ERO1A: variants seen among roughly 807,000 people sequenced by gnomAD.
The protein encoded by ERO1A is ERO1-like protein alpha.
ERO1A carries 49 observed loss-of-function variants against 76.9 expected under a neutral mutation model. That is an observed-to-expected ratio of 0.64 (90% CI 0.51 to 0.81). The LOEUF (loss-of-function observed/expected upper bound fraction) is 0.81. ERO1A is among the 30% of genes least tolerant of loss of function. ERO1A has a pLI of 0.00. For synonymous variants in ERO1A, 174 were observed against 181.2 expected (o/e 0.96, Z 0.32); for missense variants, 448 against 542.1 (o/e 0.83, Z 1.72).
chr14:52,679,276 C>T (rs2040906615), intron 3 of ERO1A, among the ~76,000 whole-genome samples: 1 of 152,192 alleles, frequency 6.6e-6, no homozygotes, highest in South Asian at 2.1e-4. Flanking sequence ...TTCCCCATCT[C>T]CTCATCTGCT....
chr14:52,655,356 C>T (rs1003732261), intron 11 of ERO1A, among the ~76,000 whole-genome samples: 8 of 151,438 alleles, frequency 5.3e-5, no homozygotes, highest in Admixed American at 5.3e-4. Context: ...CAGAGCAAGA[C>T]TCTGTCTCAA....
intron 1 of ERO1A, among the ~76,000 whole-genome samples, chr14:52,685,922 C>A (rs1177805127): frequency 6.6e-6 from 1 of 152,184 alleles, no homozygotes; most frequent in East Asian, 1.9e-4. Flanking sequence ...CCAGAAAGCA[C>A]ACAGTAGATG....
intron 13 of ERO1A, 158 bp from the exon 14 acceptor site, chr14:52,646,619 T>C: frequency 1.8e-6 from 1 of 541,464 alleles, no homozygotes; most frequent in East Asian, 3.0e-5. Context: ...TACCAGATCC[T>C]TACATACACA....
chr14:52,673,064 G>T (rs528901187), intron 4 of ERO1A, among the ~76,000 whole-genome samples: 1 of 151,752 alleles, frequency 6.6e-6, no homozygotes, highest in East Asian at 1.9e-4. Context: ...AAATTTAAAG[G>T]CCTTTGTTTA....
At chr14:52,680,078 CAA>C (rs2040938000) in intron 3 of ERO1A, among the ~76,000 whole-genome samples, 4 of 13,710 alleles carry the variant, frequency 2.9e-4, no homozygotes, top group Non-Finnish European at 4.2e-4. Flanking sequence ...GCAAAAAACA[CAA>C]ACAAAAAAAA....
At chr14:52,665,474 C>T (rs545762240) in intron 7 of ERO1A, among the ~76,000 whole-genome samples, 1 of 151,598 alleles carries the variant, frequency 6.6e-6, no homozygotes, top group East Asian at 1.9e-4. Flanking sequence ...CACAGTCTGA[C>T]ATTTTATTGG....
chr14:52,646,108 T>C (rs376806858), intron 15 of ERO1A, 46 bp downstream of exon 15: 19 of 1,571,822 alleles, frequency 1.2e-5, no homozygotes, highest in Non-Finnish European at 1.6e-5. Flanking sequence ...TATGTTGCAT[T>C]AGACTTACTT....
rs1594821063 is a variant in ERO1A at position 52,653,323 on chromosome 14, G to A, written c.809-8C>T. On this transcript the variant is annotated splice_region_variant and splice_polypyrimidine_tract_variant and intron_variant, in intron 11 of 15. Coordinates refer to ENST00000395686, the MANE Select transcript of ERO1A (RefSeq NM_014584.3). ...TCTTTTCTAACCAGGTCTCTAAGAAGGAAGAAGAATTAAATATTAAAAACT... is the reference window on the plus strand; with the variant it reads ...TCTTTTCTAACCAGGTCTCTAAGAAAGAAGAAGAATTAAATATTAAAAACT... 4 of 1,566,016 alleles carry A rather than the reference G, an allele frequency of 2.6e-6. No individual in the cohort carries two copies. Among genetic ancestry groups the A allele is most frequent in the South Asian group, 1.2e-5 (1 of 82,014 alleles).
intron 6 of ERO1A, among the ~76,000 whole-genome samples, chr14:52,669,893 A>G (rs1357013061): frequency 1.3e-5 from 2 of 152,216 alleles, no homozygotes; most frequent in Non-Finnish European, 2.9e-5. Flanking sequence ...GCTTATAATT[A>G]AAAGAATTTA....
intron 4 of ERO1A, among the ~76,000 whole-genome samples, chr14:52,673,940 T>C (rs2040694910): frequency 6.6e-6 from 1 of 152,188 alleles, no homozygotes; most frequent in Non-Finnish European, 1.5e-5. Context: ...ATATCACAGC[T>C]TGTGTGGACA....
At chr14:52,647,120 C>A (rs2039692720) in intron 13 of ERO1A, 1 of 146,662 alleles carries the variant, frequency 6.8e-6, no homozygotes, top group African/African-American at 2.7e-5. Context: ...GGACTACAGG[C>A]ACCTGCCACC....
chr14:52,691,562 C>A (rs1189185258), intron 1 of ERO1A, among the ~76,000 whole-genome samples: 3 of 152,210 alleles, frequency 2.0e-5, no homozygotes, highest in Non-Finnish European at 4.4e-5. Context: ...GTCTCTCCCA[C>A]GGCCCAGCCA....
chr14:52,688,816 CTCA>C (rs2041262586), intron 1 of ERO1A, among the ~76,000 whole-genome samples: 1 of 152,218 alleles, frequency 6.6e-6, no homozygotes, highest in Non-Finnish European at 1.5e-5. Context: ...GTTCACTACT[CTCA>C]TGTCAGAGGT....
Position 52,646,361 on chromosome 14 carries a change from C to A in ERO1A, c.1212+14G>T, listed in dbSNP as rs1382363144. On this transcript the variant is annotated intron_variant, in intron 14 of 15. Coordinates refer to ENST00000395686, the MANE Select transcript of ERO1A (RefSeq NM_014584.3). ...AAGGGTAAATGAGAAATAGGAATGACTAAATTTGCTTACCTGAAGCTTTCC... is the reference window on the plus strand; with the variant it reads ...AAGGGTAAATGAGAAATAGGAATGAATAAATTTGCTTACCTGAAGCTTTCC... 1 of 1,607,762 alleles carries A rather than the reference C, an allele frequency of 6.2e-7. No homozygotes were observed. The highest frequency in any genetic ancestry group is 8.5e-7 in the Non-Finnish European group (1 of 1,177,856).
chr14:52,665,021 T>A (rs2040362352), intron 7 of ERO1A, among the ~76,000 whole-genome samples: 1 of 150,326 alleles, frequency 6.7e-6, no homozygotes, highest in Admixed American at 7.0e-5. Context: ...ATCCCAGCAC[T>A]TTGGGCATGG....
intron 1 of ERO1A, among the ~76,000 whole-genome samples, chr14:52,686,764 G>A (rs1594835966): frequency 6.6e-6 from 1 of 151,950 alleles, no homozygotes; most frequent in Non-Finnish European, 1.5e-5. Flanking sequence ...AGTCCCAGCT[G>A]CTCAGGAGGC....
intron 8 of ERO1A, among the ~76,000 whole-genome samples, 167 bp from the exon 9 acceptor site, chr14:52,661,471 T>A (rs1211945235): frequency 6.6e-6 from 1 of 152,196 alleles, no homozygotes; most frequent in Non-Finnish European, 1.5e-5. Context: ...CAACTCTATC[T>A]GGTAGTGATA....
chr14:52,682,177 T>C (rs1310313058), intron 3 of ERO1A, 148 bp downstream of exon 3: 11 of 593,738 alleles, frequency 1.9e-5, no homozygotes, highest in African/African-American at 3.8e-5. Flanking sequence ...ATGGATTGTT[T>C]GAGCCCAGAA....
intron 11 of ERO1A, among the ~76,000 whole-genome samples, chr14:52,656,938 T>C (rs1323672094): frequency 6.6e-6 from 1 of 152,028 alleles, no homozygotes; most frequent in Non-Finnish European, 1.5e-5. Context: ...GGTGGCATGC[T>C]CCTGTAGTCA....
Sources: gnomAD v4.1 joint callset for allele counts (sites outside exome capture counted in the v4.1 genomes callset) on GRCh38, gnomAD v4.1.1 for gene constraint, MANE v1.5 for transcripts, NCBI Gene and HGNC (gene_info 2026-07-23, HGNC 2026-07-21) for gene names.